Variants in CSRP3 observed in about 807,000 individuals in gnomAD.
CSRP3 encodes cysteine and glycine-rich protein 3.
In CSRP3, 24 loss-of-function variants were observed where a neutral mutation model predicts 24.3. The ratio of observed to expected loss-of-function variants is 0.99; its 90% CI spans 0.71 to 1.39. The LOEUF (loss-of-function observed/expected upper bound fraction) is 1.39. Ranked by LOEUF, CSRP3 falls within the 40% of genes most tolerant of loss-of-function variation. The pLI, the probability that CSRP3 is intolerant of heterozygous loss-of-function variation, is 0.00. For missense variants in CSRP3, 240 were observed against 249.0 expected (o/e 0.96, Z 0.24); for synonymous variants, 105 against 94.0 (o/e 1.12, Z -0.68).
chr11:19,199,290 T>A (rs111598552), intron 1 of CSRP3, among the ~76,000 whole-genome samples: 2,138 of 151,848 alleles, frequency 0.014, 25 homozygotes, highest in Non-Finnish European at 0.025. Context: ...ATATATGACG[T>A]CCTCCGGCCA....
intron 1 of CSRP3, among the ~76,000 whole-genome samples, chr11:19,195,868 A>G (rs1850693667): frequency 6.6e-6 from 1 of 152,218 alleles, no homozygotes; most frequent in Non-Finnish European, 1.5e-5. Context: ...TAAATCTGTA[A>G]GTACTCTATT....
At chr11:19,184,732 T>C (rs1850496150) in intron 5 of CSRP3, among the ~76,000 whole-genome samples, 1 of 152,216 alleles carries the variant, frequency 6.6e-6, no homozygotes, top group Non-Finnish European at 1.5e-5. Context: ...TGAAAGCATC[T>C]GGTCTCTGCC....
At chr11:19,200,175 A>G (rs1338188478) in intron 1 of CSRP3, among the ~76,000 whole-genome samples, 3 of 152,202 alleles carry the variant, frequency 2.0e-5, no homozygotes, top group African/African-American at 4.8e-5. Flanking sequence ...TAAACTTTAC[A>G]AAAGTACTTT....
At chr11:19,198,031 T>A (rs7951347) in intron 1 of CSRP3, among the ~76,000 whole-genome samples, 5,901 of 152,262 alleles carry the variant, frequency 0.039, 362 homozygotes, top group African/African-American at 0.13. Context: ...GGGACTGATA[T>A]GTGTCACATG....
At chr11:19,193,103 A>G (rs968842478) in intron 1 of CSRP3, among the ~76,000 whole-genome samples, 1 of 152,184 alleles carries the variant, frequency 6.6e-6, no homozygotes, top group African/African-American at 2.4e-5. Context: ...TATTCCTCAT[A>G]TCCATACATT....
At chr11:19,187,194 A>G (rs1265647929) in intron 3 of CSRP3, among the ~76,000 whole-genome samples, 2 of 152,270 alleles carry the variant, frequency 1.3e-5, no homozygotes, top group African/African-American at 4.8e-5. Flanking sequence ...CTTCCTTAAC[A>G]AGAGTCTCCA....
chr11:19,188,064 T>C, intron 3 of CSRP3, 72 bp downstream of exon 3: 2 of 1,581,404 alleles, frequency 1.3e-6, no homozygotes, highest in Middle Eastern at 1.7e-4. Flanking sequence ...AAAACGTTGC[T>C]ATGGGAACGA....
In CSRP3 at chr11:19,188,163, CCCGTGTCTGTGCTGAGACAGCCAGCG is replaced by C; in HGVS notation, c.228_253del (p.Ala77ArgfsTer46). The C allele has an allele frequency of 1.2e-6, 2 of 1,614,164 alleles. No individual in the cohort carries two copies. Among genetic ancestry groups the C allele is most frequent in the South Asian group, 2.2e-5 (2 of 91,082 alleles). On this transcript the variant is annotated frameshift_variant, in exon 3 of 6. Coordinates refer to ENST00000265968, the MANE Select transcript of CSRP3 (RefSeq NM_003476.5). LOFTEE classifies it high-confidence loss of function. ...TTGGAACTGCAGGCCGAGATGCTCG[CCCGTGTCTGTGCTGAGACAGCCAGCG>C]CCTTGTCCATACCCGATCCCTTTGG...
rs576939200 is a variant in CSRP3 at position 19,191,499 on chromosome 11, G to C, written c.112+838C>G. Reference sequence around the variant, plus strand: ...AGATAAGTGGCCATTTTAAAACCAAGGCCAATTTTCTCCCAAACAGGACTA... The same window carrying C: ...AGATAAGTGGCCATTTTAAAACCAACGCCAATTTTCTCCCAAACAGGACTA... On this transcript the variant is annotated intron_variant, in intron 2 of 5. Transcript: ENST00000265968. Among the ~76,000 whole-genome samples the C allele has an allele frequency of 2.9e-4, 44 of 152,216 alleles. 1 individual carries two copies. Among genetic ancestry groups the C allele is most frequent in the Non-Finnish European group, 4.7e-4 (32 of 68,020 alleles).
chr11:19,198,036 C>T (rs1850770998), intron 1 of CSRP3, among the ~76,000 whole-genome samples: 1 of 152,128 alleles, frequency 6.6e-6, no homozygotes, highest in South Asian at 2.1e-4. Flanking sequence ...TGATATGTGT[C>T]ACATGAATAG....
rs149825099 is a variant in CSRP3, at chr11:19,197,508, T to G, written c.-29+4446A>C. 7.8e-3 allele frequency among the ~76,000 whole-genome samples: 589 copies of G among 75,688 alleles called. 6 individuals are homozygous for G. Among genetic ancestry groups the G allele is most frequent in the African/African-American group, 0.021 (339 of 16,184 alleles). The allele number at this position is 75,688 out of a possible 152,430, so 49.7% of individuals were successfully genotyped here. On this transcript the variant is annotated intron_variant, in intron 1 of 5. Coordinates refer to ENST00000265968, the MANE Select transcript of CSRP3 (RefSeq NM_003476.5). Reference sequence around the variant, plus strand: ...CTTTCTCTCCCTCTTTTCCTCTTTCTTTCTTTCTTTCTTTCTTTCTTTCTT... The same window carrying G: ...CTTTCTCTCCCTCTTTTCCTCTTTCGTTCTTTCTTTCTTTCTTTCTTTCTT...
rs368392588 is a variant in CSRP3 at position 19,188,227 on chromosome 11, G to A, written c.190C>T (p.Arg64Cys). 4.6e-5 allele frequency: 74 copies of A among 1,613,528 alleles called. 1 individual carries two copies. In the Middle Eastern group the frequency reaches 7.2e-4, roughly 16 times the overall value. ...CCGATCCCTTTGGGGCCATATCTGC[G>A]CCCATAGCACACCTTGCAGTAGATC... is the stretch of plus-strand genomic sequence containing the variant. The part of the protein sequence containing the change: ...SEIYCKVCYG[R>C]RYGPKGIGYG... Residue 64 changes from arginine to cysteine, a missense_variant, in exon 3 of 6, where the codon CGC becomes TGC. Arg to Cys is a radical substitution (Grantham distance 180, BLOSUM62 -3). Transcript: ENST00000265968.
Position 19,182,415 on chromosome 11 carries a change from G to A in CSRP3, c.*255C>T. 1.8e-6 allele frequency: 1 copy of A among 552,374 alleles called. No homozygotes were observed. Among genetic ancestry groups the A allele is most frequent in the Non-Finnish European group, 3.2e-6 (1 of 308,316 alleles). 34.2% of individuals were successfully genotyped at this position (552,374 alleles called of 1,614,324 possible). ...AAAAGATCTAGAGCCATACAAGATA[G>A]CACTAAAACATTTATTTATTGCCTC... On this transcript the variant is annotated 3_prime_UTR_variant, in exon 6 of 6. Coordinates refer to ENST00000265968, the MANE Select transcript of CSRP3 (RefSeq NM_003476.5).
At chr11:19,194,391 C>T (rs1021132266) in intron 1 of CSRP3, among the ~76,000 whole-genome samples, 1 of 152,094 alleles carries the variant, frequency 6.6e-6, no homozygotes, top group Non-Finnish European at 1.5e-5. Flanking sequence ...AAAAAGGAAA[C>T]ATTGGGCTGG....
Position 19,182,634 on chromosome 11 carries a change from T to C in CSRP3, c.*36A>G, listed in dbSNP as rs1418926819. 2 of 1,562,894 alleles carry C rather than the reference T, an allele frequency of 1.3e-6. No homozygotes were observed. The highest frequency in any genetic ancestry group is 8.8e-7 in the Non-Finnish European group (1 of 1,133,288). On this transcript the variant is annotated 3_prime_UTR_variant, in exon 6 of 6. Coordinates refer to ENST00000265968, the MANE Select transcript of CSRP3 (RefSeq NM_003476.5). ...GTGCAGGATTACTTGGCAAGTGTTT[T>C]AGGCTCGCAAAAAATCTGAGAAACG...
chr11:19,192,401 G>A lies in CSRP3; in HGVS notation c.48C>T (p.Thr16=), dbSNP rs753120437. Reference sequence around the variant, plus strand: ...ACTGGATTTCTTCTGCATGGTAGACGGTCTTTTCACAGGCTCCACATTTTG... The same window carrying A: ...ACTGGATTTCTTCTGCATGGTAGACAGTCTTTTCACAGGCTCCACATTTTG... The part of the protein sequence containing the change: ...GGAKCGACEK[T]VYHAEEIQCN... Residue 16 remains threonine (T), a synonymous_variant, in exon 2 of 6, where the codon ACC becomes ACT. Transcript: ENST00000265968. 7 of 1,614,026 alleles carry A rather than the reference G, an allele frequency of 4.3e-6. No homozygotes were observed. Among genetic ancestry groups the A allele is most frequent in the Admixed American group, 1.7e-5 (1 of 60,010 alleles).
chr11:19,182,791 G>A, intron 5 of CSRP3, 45 bp from the exon 6 acceptor site: 1 of 1,368,674 alleles, frequency 7.3e-7, no homozygotes, highest in Non-Finnish European at 1.0e-6. Context: ...GCATTGGTTA[G>A]TGCCATTTTT....
intron 1 of CSRP3, among the ~76,000 whole-genome samples, chr11:19,201,207 T>A (rs1850834103): frequency 6.6e-6 from 1 of 152,214 alleles, no homozygotes; most frequent in Non-Finnish European, 1.5e-5. Flanking sequence ...GGATAAATTA[T>A]CCTCCCATTT....
rs2133516363 is a variant in CSRP3, at chr11:19,192,376, A to T, written c.73T>A (p.Cys25Ser). ...KTVYHAEEIQ[C>S]NGRSFHKTCF... is the part of the protein sequence containing the mutation. Reference sequence around the variant, plus strand: ...GTCTTGTGGAAACTCCTTCCATTGCACTGGATTTCTTCTGCATGGTAGACG... The same window carrying T: ...GTCTTGTGGAAACTCCTTCCATTGCTCTGGATTTCTTCTGCATGGTAGACG... Residue 25 changes from cysteine to serine, a missense_variant, in exon 2 of 6, where the codon TGC becomes AGC. By Grantham distance (112) the Cys-to-Ser change is moderately radical (BLOSUM62 -1). Transcript: ENST00000265968. The T allele has an allele frequency of 6.2e-7, 1 of 1,614,164 alleles. No individual in the cohort carries two copies. Among genetic ancestry groups the T allele is most frequent in the Non-Finnish European group, 8.5e-7 (1 of 1,180,028 alleles).
Sources: gnomAD v4.1 joint callset for allele counts (sites outside exome capture counted in the v4.1 genomes callset) on GRCh38, gnomAD v4.1.1 for gene constraint, MANE v1.5 for transcripts, NCBI Gene and HGNC (gene_info 2026-07-23, HGNC 2026-07-21) for gene names.